The following TRIM44 variants were observed in gnomAD, a reference collection of about 807,000 sequenced individuals.
TRIM44 encodes tripartite motif-containing protein 44.
TRIM44 carries 13 observed loss-of-function variants against 37.4 expected under a neutral mutation model. The ratio of observed to expected loss-of-function variants is 0.35; its 90% CI spans 0.23 to 0.55. The LOEUF is 0.55. Among genes scored for constraint, TRIM44 ranks in the 20% least tolerant of loss-of-function variants. The pLI is 0.89. For synonymous variants in TRIM44, 175 were observed against 157.2 expected (o/e 1.11, Z -0.85); for missense variants, 426 against 437.2 (o/e 0.97, Z 0.23).
At chr11:35,715,801 T>G (rs531101035) in intron 2 of TRIM44, among the ~76,000 whole-genome samples, 5 of 152,134 alleles carry the variant, frequency 3.3e-5, no homozygotes, top group African/African-American at 1.2e-4. Context: ...ACAGTCATTG[T>G]GGAAGGTGAA....
At chr11:35,775,866 G>A (rs1321428870) in intron 4 of TRIM44, among the ~76,000 whole-genome samples, 1 of 152,144 alleles carries the variant, frequency 6.6e-6, no homozygotes, top group African/African-American at 2.4e-5. Flanking sequence ...GCTGGATTCG[G>A]TTTGCCAGTA....
At chr11:35,717,839 T>TTTA (rs1852056877) in intron 2 of TRIM44, among the ~76,000 whole-genome samples, 1 of 152,058 alleles carries the variant, frequency 6.6e-6, no homozygotes, top group Non-Finnish European at 1.5e-5. Flanking sequence ...ATTTTTTTTT[T>TTTA]TTATTATAAA....
At chr11:35,773,863 G>A (rs917312862) in intron 4 of TRIM44, among the ~76,000 whole-genome samples, 1 of 152,128 alleles carries the variant, frequency 6.6e-6, no homozygotes, top group African/African-American at 2.4e-5. Flanking sequence ...TCTTTATTCA[G>A]TCTATCATTG....
chr11:35,719,661 A>C (rs192390883), intron 2 of TRIM44, among the ~76,000 whole-genome samples: 3 of 152,114 alleles, frequency 2.0e-5, no homozygotes, highest in Non-Finnish European at 4.4e-5. Flanking sequence ...TTATCTTCTA[A>C]GAGTTTTATA....
chr11:35,808,509 C>T lies in TRIM44; in HGVS notation c.*2124C>T, dbSNP rs1853485045. 6.6e-6 allele frequency: 1 copy of T among 152,196 alleles called. No individual in the cohort carries two copies. Among genetic ancestry groups the T allele is most frequent in the South Asian group, 2.1e-4 (1 of 4,830 alleles). 9.4% of individuals were successfully genotyped at this position (152,196 alleles called of 1,614,324 possible). ...ATTAGCAATAGACAGATCATTGGTTCTCCATATCTGATCATATGTTACTAC... is the reference window on the plus strand; with the variant it reads ...ATTAGCAATAGACAGATCATTGGTTTTCCATATCTGATCATATGTTACTAC... On this transcript the variant is annotated 3_prime_UTR_variant, in exon 5 of 5. Transcript: ENST00000299413.
At chr11:35,691,514 A>T (rs539426043) in intron 2 of TRIM44, among the ~76,000 whole-genome samples, 2 of 152,222 alleles carry the variant, frequency 1.3e-5, no homozygotes, top group African/African-American at 4.8e-5. Context: ...CCTACTGAAC[A>T]TCATAGCTTA....
chr11:35,788,526 AT>A (rs1218622040), intron 4 of TRIM44, among the ~76,000 whole-genome samples: 1 of 152,170 alleles, frequency 6.6e-6, no homozygotes, highest in Non-Finnish European at 1.5e-5. Flanking sequence ...CAATTTTTAT[AT>A]TCCTGTGTTG....
intron 4 of TRIM44, among the ~76,000 whole-genome samples, chr11:35,774,060 A>G (rs535935543): frequency 2.0e-5 from 3 of 152,198 alleles, no homozygotes; most frequent in East Asian, 1.9e-4. Flanking sequence ...GTCTTCCACA[A>G]TGGTTGAACT....
intron 4 of TRIM44, among the ~76,000 whole-genome samples, chr11:35,790,268 T>G (rs1329192885): frequency 1.3e-5 from 2 of 152,228 alleles, no homozygotes; most frequent in African/African-American, 4.8e-5. Context: ...AACTAGGGGC[T>G]GAACTGTAAG....
chr11:35,795,870 G>A (rs1853277733), intron 4 of TRIM44, among the ~76,000 whole-genome samples: 1 of 152,140 alleles, frequency 6.6e-6, no homozygotes, highest in Admixed American at 6.5e-5. Flanking sequence ...ACTATAAAAT[G>A]TTTTGAGCAC....
At chr11:35,697,816 G>A (rs1199803935) in intron 2 of TRIM44, among the ~76,000 whole-genome samples, 1 of 152,076 alleles carries the variant, frequency 6.6e-6, no homozygotes, top group East Asian at 1.9e-4. Flanking sequence ...GTATTCCATG[G>A]TGTATATGTG....
At chr11:35,709,190 ATTG>A (rs1851934973) in intron 2 of TRIM44, among the ~76,000 whole-genome samples, 1 of 152,146 alleles carries the variant, frequency 6.6e-6, no homozygotes, top group Non-Finnish European at 1.5e-5. Flanking sequence ...ACTTCAGTGC[ATTG>A]TTGTTTATTC....
intron 4 of TRIM44, among the ~76,000 whole-genome samples, chr11:35,744,899 C>A (rs539929046): frequency 4.6e-5 from 7 of 152,288 alleles, no homozygotes; most frequent in Admixed American, 4.6e-4. Flanking sequence ...AGGACATGAT[C>A]TCATTCCTTT....
chr11:35,750,077 T>G (rs1227325447), intron 4 of TRIM44, among the ~76,000 whole-genome samples: 1 of 152,188 alleles, frequency 6.6e-6, no homozygotes, highest in Non-Finnish European at 1.5e-5. Flanking sequence ...AGAAAAACAG[T>G]GTGGCCACTC....
chr11:35,764,905 G>A (rs983476020), intron 4 of TRIM44, among the ~76,000 whole-genome samples: 1 of 151,952 alleles, frequency 6.6e-6, no homozygotes, highest in Non-Finnish European at 1.5e-5. Context: ...CTCTGAAGAT[G>A]AATGTTGTAC....
intron 4 of TRIM44, among the ~76,000 whole-genome samples, chr11:35,753,521 T>G (rs1852584373): frequency 1.3e-5 from 2 of 152,192 alleles, no homozygotes; most frequent in African/African-American, 4.8e-5. Flanking sequence ...GATCATAATT[T>G]TTGCTAGGAA....
chr11:35,752,906 A>G (rs1376725677), intron 4 of TRIM44, among the ~76,000 whole-genome samples: 2 of 152,208 alleles, frequency 1.3e-5, no homozygotes, highest in African/African-American at 4.8e-5. Flanking sequence ...AAAGTGTATT[A>G]TATATTTAAC....
At chr11:35,803,118 G>A (rs751123444) in intron 4 of TRIM44, among the ~76,000 whole-genome samples, 7 of 152,148 alleles carry the variant, frequency 4.6e-5, no homozygotes, top group Non-Finnish European at 8.8e-5. Context: ...AGAGATGTTA[G>A]TGACTTACGT....
chr11:35,779,682 C>T (rs748052601), intron 4 of TRIM44, among the ~76,000 whole-genome samples: 39 of 152,174 alleles, frequency 2.6e-4, no homozygotes, highest in Middle Eastern at 6.8e-3. Flanking sequence ...TTGCCAAGAC[C>T]GATGTCCAGG....
Sources: gnomAD v4.1 joint callset for allele counts (sites outside exome capture counted in the v4.1 genomes callset) on GRCh38, gnomAD v4.1.1 for gene constraint, MANE v1.5 for transcripts, NCBI Gene and HGNC (gene_info 2026-07-23, HGNC 2026-07-21) for gene names.